NAA15: variants seen among roughly 807,000 people sequenced by gnomAD.
The protein encoded by NAA15 is N-alpha-acetyltransferase 15, NatA auxiliary subunit.
A neutral mutation model predicts 114.0 loss-of-function variants in NAA15; 34 were observed. The observed-to-expected ratio is 0.30, with a 90% CI of 0.23 to 0.40. The LOEUF (loss-of-function observed/expected upper bound fraction) is 0.40, where lower values mean the gene tolerates loss of function less well. Ranked by LOEUF, NAA15 falls within the 10% of genes least tolerant of loss-of-function variation. The pLI is 1.00. For synonymous variants in NAA15, 340 were observed against 338.0 expected, an observed-to-expected ratio of 1.01 and a Z score of -0.06; for missense variants, 658 against 1,004.5, an observed-to-expected ratio of 0.66 and a Z score of 4.66.
intron 6 of NAA15, among the ~76,000 whole-genome samples, chr4:139,348,315 A>G (rs147787225): frequency 2.6e-5 from 4 of 152,118 alleles, no homozygotes; most frequent in Non-Finnish European, 5.9e-5. Flanking sequence ...TTATCCAGGC[A>G]TGGTGGCACA....
intron 1 of NAA15, chr4:139,302,519 A>T (rs1321379040): frequency 6.6e-6 from 1 of 152,196 alleles, no homozygotes; most frequent in African/African-American, 2.4e-5. Flanking sequence ...TCCGAGCGGG[A>T]AACAGCCCCA....
rs140422878 is a variant in NAA15 at position 139,358,557 on chromosome 4, T to A, written c.1257+1002T>A. On this transcript the variant is annotated intron_variant, in intron 11 of 19. Transcript: ENST00000296543. ...TTAATTTTTTTATTTTTAGATTTTT[T>A]AAAAAAATTATACTTTAAGTTCTAG... 3.1e-3 allele frequency among the ~76,000 whole-genome samples: 478 copies of A among 152,204 alleles called. 2 individuals are homozygous for A. Among genetic ancestry groups the A allele is most frequent in the Middle Eastern group, 0.01 (3 of 294 alleles).
intron 1 of NAA15, among the ~76,000 whole-genome samples, chr4:139,331,973 T>C (rs1002575182): frequency 3.3e-5 from 5 of 152,144 alleles, no homozygotes; most frequent in Non-Finnish European, 2.9e-5. Flanking sequence ...ATTTCTGTCA[T>C]GAGCTTATGA....
chr4:139,305,901 G>T (rs1050320202), intron 1 of NAA15, among the ~76,000 whole-genome samples: 1 of 152,144 alleles, frequency 6.6e-6, no homozygotes, highest in Non-Finnish European at 1.5e-5. Flanking sequence ...TAGTTGTACT[G>T]TACTTGTTAT....
intron 1 of NAA15, among the ~76,000 whole-genome samples, chr4:139,305,082 T>C (rs1370083680): frequency 6.6e-6 from 1 of 152,230 alleles, no homozygotes; most frequent in Non-Finnish European, 1.5e-5. Flanking sequence ...TACATCCAGC[T>C]AATAGTTTAT....
intron 1 of NAA15, among the ~76,000 whole-genome samples, chr4:139,312,395 A>G (rs1278198273): frequency 6.6e-6 from 1 of 151,948 alleles, no homozygotes; most frequent in East Asian, 1.9e-4. Context: ...GTTTTATGAT[A>G]CATGCTGTAC....
chr4:139,322,936 C>T (rs1044752376), intron 1 of NAA15, among the ~76,000 whole-genome samples: 1 of 152,048 alleles, frequency 6.6e-6, no homozygotes, highest in Non-Finnish European at 1.5e-5. Context: ...AGTGACCCGC[C>T]CACCTTGTCC....
At position 139,354,062 on chromosome 4, in the gene NAA15, A is replaced by G. The variant is rs566943467; in HGVS notation, c.1051A>G (p.Thr351Ala). ...IIEELVVGYE[T>A]SLKSCRLFNP... ...AGAAGAGTTAGTAGTAGGTTATGAA[A>G]CCTCTCTAAAAAGCTGCCGGTTATT... Residue 351 changes from threonine (T) to alanine (A), a missense_variant, in exon 10 of 20, where the codon ACC (threonine) becomes GCC (alanine). By Grantham distance (58) the Thr-to-Ala change is moderately conservative (BLOSUM62 0). This residue lies in a region of NAA15 where 281 missense variants were observed against 389.1 expected (regional missense o/e 0.72). Coordinates refer to ENST00000296543, the MANE Select transcript of NAA15 (RefSeq NM_057175.5). 1.9e-6 allele frequency: 3 copies of G among 1,613,496 alleles called. No homozygotes were observed. The highest frequency in any genetic ancestry group is 2.2e-5 in the South Asian group (2 of 91,046).
At chr4:139,312,984 T>C (rs903772182) in intron 1 of NAA15, among the ~76,000 whole-genome samples, 1 of 152,008 alleles carries the variant, frequency 6.6e-6, no homozygotes, top group Non-Finnish European at 1.5e-5. Flanking sequence ...TGAAATAATG[T>C]GAAATTTCTA....
At chr4:139,376,535 AC>A (rs1748586905) in intron 16 of NAA15, 62 bp downstream of exon 16, 8 of 1,004,326 alleles carry the variant, frequency 8.0e-6, no homozygotes, top group Non-Finnish European at 1.3e-5. Context: ...AGGTATAGTC[AC>A]CCAACTCTGA....
intron 17 of NAA15, among the ~76,000 whole-genome samples, chr4:139,379,990 AGCCGAGATCAC>A (rs1560981944): frequency 2.6e-5 from 4 of 152,222 alleles, no homozygotes; most frequent in African/African-American, 4.8e-5. Flanking sequence ...GGTTGCAGTG[AGCCGAGATCAC>A]GCCACTACAC....
rs1560952908 is a variant in NAA15, at chr4:139,315,023, TAGGTTAGGTTAGGTTAGGTTAGGTTAGG to T, written c.54+13193_54+13220del. Among the ~76,000 whole-genome samples the T allele has an allele frequency of 8.0e-3, 1,038 of 129,726 alleles. 66 individuals are homozygous for T. Among genetic ancestry groups the T allele is most frequent in the African/African-American group, 0.034 (932 of 27,552 alleles). 85.1% of individuals were successfully genotyped at this position (129,726 alleles called of 152,430 possible). A position where few individuals can be genotyped will look rare whatever the true frequency, so the allele number is the denominator to read the frequency against. On this transcript the variant is annotated intron_variant, in intron 1 of 19. Coordinates refer to ENST00000296543, the MANE Select transcript of NAA15 (RefSeq NM_057175.5). ...CAGTTTAGTTTAGGTTAGGTTAGGT[TAGGTTAGGTTAGGTTAGGTTAGGTTAGG>T]TTAGTTTAGTTTAGTTTAGTTTAGT...
At chr4:139,375,461 T>C (rs930395400) in intron 15 of NAA15, among the ~76,000 whole-genome samples, 1 of 148,946 alleles carries the variant, frequency 6.7e-6, no homozygotes, top group Non-Finnish European at 1.5e-5. Context: ...TTCTTTTCTT[T>C]TCTTTTCTTT....
At chr4:139,316,310 A>G (rs1746409862) in intron 1 of NAA15, among the ~76,000 whole-genome samples, 1 of 151,902 alleles carries the variant, frequency 6.6e-6, no homozygotes, top group South Asian at 2.1e-4. Context: ...TTCTATATGT[A>G]TGACTTTTCT....
rs1383611654 is a variant in NAA15, at chr4:139,360,657, TG to T, written c.1539+30del. ...AGTACCTTCTACATAAAAGTTTTCT[TG>T]TTTTATTCTGTCGATGGTTTTGGAC... On this transcript the variant is annotated intron_variant, in intron 13 of 19. Transcript: ENST00000296543. The T allele has an allele frequency of 2.6e-6, 4 of 1,542,876 alleles. No homozygotes were observed. The Admixed American group carries it at 6.3e-5, about 24-fold the overall frequency.
rs750805187 is a variant in NAA15 at position 139,357,516 on chromosome 4, A to G, written c.1218A>G (p.Thr406=). 1.1e-5 allele frequency: 17 copies of G among 1,610,606 alleles called. No individual in the cohort carries two copies. In the African/African-American group the frequency reaches 1.2e-4, roughly 11 times the overall value. Reference sequence around the variant, plus strand: ...ATACTGCTATTGAAAGTACACCTACATTAATAGAACTCTTTCTCGTGAAAG... The same window carrying G: ...ATACTGCTATTGAAAGTACACCTACGTTAATAGAACTCTTTCTCGTGAAAG... ...YINTAIESTP[T]LIELFLVKAK... Residue 406 remains threonine, a synonymous_variant, in exon 11 of 20, where the codon ACA becomes ACG. Transcript: ENST00000296543.
intron 14 of NAA15, among the ~76,000 whole-genome samples, chr4:139,369,722 A>C (rs2110976095): frequency 8.0e-6 from 1 of 125,516 alleles, no homozygotes; most frequent in East Asian, 2.5e-4. Context: ...TGGGTGACAG[A>C]GTGAGACTCC....
intron 3 of NAA15, among the ~76,000 whole-genome samples, chr4:139,337,178 CT>C (rs1240030863): frequency 2.0e-5 from 3 of 152,114 alleles, no homozygotes; most frequent in Admixed American, 6.5e-5. Context: ...TTAAAAATAT[CT>C]GTGAAAGCTT....
intron 1 of NAA15, among the ~76,000 whole-genome samples, chr4:139,325,688 G>A (rs1199429555): frequency 2.0e-5 from 3 of 152,128 alleles, no homozygotes; most frequent in Non-Finnish European, 2.9e-5. Flanking sequence ...TTGTTCTGTC[G>A]CTCAGGTTGG....
Sources: gnomAD v4.1 joint callset for allele counts (sites outside exome capture counted in the v4.1 genomes callset) on GRCh38, gnomAD v4.1.1 for gene constraint, gnomAD v4.1.1 regional missense constraint, MANE v1.5 for transcripts, NCBI Gene and HGNC (gene_info 2026-07-23, HGNC 2026-07-21) for gene names.